Variants in FMNL2 observed in about 807,000 individuals in gnomAD.
The protein encoded by FMNL2 is formin-like protein 2.
Under a neutral mutation model 130.2 loss-of-function variants are expected in FMNL2, and 51 were observed. The observed-to-expected ratio is 0.39, with a 90% CI of 0.31 to 0.49. FMNL2 has a LOEUF of 0.49. Among genes scored for constraint, FMNL2 ranks in the 20% least tolerant of loss-of-function variants. FMNL2 has a pLI of 0.85. For missense variants in FMNL2, 977 were observed against 1,316.2 expected (o/e 0.74, Z 3.99); for synonymous variants, 465 against 467.1 (o/e 1.00, Z 0.06).
intron 10 of FMNL2, among the ~76,000 whole-genome samples, chr2:152,611,122 C>T (rs1456912518): frequency 4.6e-5 from 7 of 152,148 alleles, no homozygotes; most frequent in South Asian, 4.1e-4. Flanking sequence ...CGGCGGATCA[C>T]GAGGTCAGGT....
chr2:152,636,718 A>C, intron 22 of FMNL2, 128 bp downstream of exon 22: 1 of 1,141,840 alleles, frequency 8.8e-7, no homozygotes, highest in Admixed American at 2.8e-5. Context: ...TTCTTGTTGT[A>C]ACTATTATTT....
At position 152,633,790 on chromosome 2, in the gene FMNL2, A is replaced by G. The variant is rs1477908746; in HGVS notation, c.2680+1653A>G. On this transcript the variant is annotated intron_variant, in intron 21 of 25. Coordinates refer to ENST00000288670, the MANE Select transcript of FMNL2 (RefSeq NM_052905.4). Reference sequence around the variant, plus strand: ...ATTTCTACCTGACCAATGGGTACTAATTCATTTTGTTTGGTCCAAATGGTG... The same window carrying G: ...ATTTCTACCTGACCAATGGGTACTAGTTCATTTTGTTTGGTCCAAATGGTG... Among the ~76,000 whole-genome samples, 3 of 152,254 alleles carry G rather than the reference A, an allele frequency of 2.0e-5. 1 individual carries two copies. The highest frequency in any genetic ancestry group is 4.1e-4 in the South Asian group (2 of 4,832).
chr2:152,545,604 C>A (rs563438430), intron 3 of FMNL2, among the ~76,000 whole-genome samples: 15 of 152,216 alleles, frequency 9.9e-5, no homozygotes, highest in African/African-American at 3.6e-4. Flanking sequence ...CCTTTGCTGG[C>A]GCTGCAGTTG....
At chr2:152,426,364 A>G (rs1687202052) in intron 1 of FMNL2, among the ~76,000 whole-genome samples, 1 of 152,204 alleles carries the variant, frequency 6.6e-6, no homozygotes, top group South Asian at 2.1e-4. Flanking sequence ...TAGAGATATA[A>G]GACAATGGCC....
At chr2:152,631,846 A>G (rs1358475902) in intron 20 of FMNL2, among the ~76,000 whole-genome samples, 162 bp from the exon 21 acceptor site, 1 of 152,162 alleles carries the variant, frequency 6.6e-6, no homozygotes, top group South Asian at 2.1e-4. Context: ...GGACTGGTTC[A>G]CTAAGGAACA....
chr2:152,471,640 TTAACCTTGGCTTCTC>T (rs1360976980), intron 1 of FMNL2, among the ~76,000 whole-genome samples: 5 of 152,118 alleles, frequency 3.3e-5, no homozygotes, highest in Non-Finnish European at 5.9e-5. Flanking sequence ...TTAGAAACTT[TTAACCTTGGCTTCTC>T]ACACTCCCTG....
At chr2:152,554,505 A>G (rs932288345) in intron 4 of FMNL2, among the ~76,000 whole-genome samples, 5 of 152,232 alleles carry the variant, frequency 3.3e-5, no homozygotes, top group African/African-American at 1.2e-4. Context: ...CATTTGGAAG[A>G]TCAGAATAAC....
chr2:152,607,489 A>G, intron 10 of FMNL2, 76 bp downstream of exon 10: 1 of 891,852 alleles, frequency 1.1e-6, no homozygotes, highest in South Asian at 1.5e-5. Context: ...ACACACACAC[A>G]CACACACACA....
At chr2:152,624,498 A>G (rs1002079186) in intron 15 of FMNL2, among the ~76,000 whole-genome samples, 1 of 150,326 alleles carries the variant, frequency 6.7e-6, no homozygotes, top group Admixed American at 6.6e-5. Flanking sequence ...TATTTTTAAG[A>G]CAGAGTCTTG....
intron 9 of FMNL2, among the ~76,000 whole-genome samples, chr2:152,599,403 A>ATGT (rs1407347624): frequency 1.7e-5 from 1 of 57,456 alleles, no homozygotes; most frequent in Non-Finnish European, 3.3e-5. Flanking sequence ...ATTGAAGGTC[A>ATGT]TCTTTTTTTT....
At chr2:152,614,492 C>T (rs1698842842) in intron 11 of FMNL2, among the ~76,000 whole-genome samples, 1 of 152,198 alleles carries the variant, frequency 6.6e-6, no homozygotes, top group Non-Finnish European at 1.5e-5. Flanking sequence ...CGCCTGTAAT[C>T]CCAGCACTTT....
chr2:152,505,211 C>T (rs1308136188), intron 1 of FMNL2, among the ~76,000 whole-genome samples: 1 of 152,030 alleles, frequency 6.6e-6, no homozygotes, highest in Non-Finnish European at 1.5e-5. Context: ...TTGCACCTTC[C>T]ATTTTTAGAG....
At chr2:152,645,627 G>C in intron 25 of FMNL2, 1 of 688,260 alleles carries the variant, frequency 1.5e-6, no homozygotes, top group Non-Finnish European at 2.1e-6. Context: ...TCTGACCAGG[G>C]AGTTTTTGTA....
chr2:152,552,226 A>T (rs1457388704), intron 4 of FMNL2, among the ~76,000 whole-genome samples: 2 of 152,192 alleles, frequency 1.3e-5, no homozygotes, highest in Non-Finnish European at 2.9e-5. Context: ...TACTCAATAT[A>T]TGATAGTTGT....
chr2:152,517,925 G>C (rs1692865986), intron 1 of FMNL2, among the ~76,000 whole-genome samples: 1 of 152,202 alleles, frequency 6.6e-6, no homozygotes, highest in Non-Finnish European at 1.5e-5. Context: ...ATGTCACTAA[G>C]AGTGGGTGAG....
chr2:152,393,997 A>AT, intron 1 of FMNL2, among the ~76,000 whole-genome samples: 2 of 152,364 alleles, frequency 1.3e-5, no homozygotes, highest in Admixed American at 1.3e-4. Flanking sequence ...GGGCTGTAGA[A>AT]GAACAGGCGG....
intron 9 of FMNL2, among the ~76,000 whole-genome samples, chr2:152,589,365 G>T (rs761315337): frequency 2.0e-5 from 3 of 151,936 alleles, no homozygotes; most frequent in African/African-American, 7.3e-5. Context: ...TGTTGCTGCC[G>T]TGTTATTTCT....
rs562838969 is a variant in FMNL2, at chr2:152,499,077, C to G, written c.118-22866C>G. Among the ~76,000 whole-genome samples, 13 of 152,190 alleles carry G rather than the reference C, an allele frequency of 8.5e-5. No individual in the cohort carries two copies. The South Asian group carries it at 2.1e-3, about 24-fold the overall frequency. On this transcript the variant is annotated intron_variant, in intron 1 of 25. Transcript: ENST00000288670. ...CAATGGCATTTTAACGTAGAAGAAC[C>G]AAGTGTTAGTAAAGAGCTTTTCTTC...
intron 25 of FMNL2, among the ~76,000 whole-genome samples, chr2:152,642,196 A>T (rs548960215): frequency 5.1e-4 from 77 of 152,144 alleles, no homozygotes; most frequent in African/African-American, 9.9e-4. Context: ...CGCCTCGGCC[A>T]CCCAAAGTGC....
Sources: allele counts gnomAD v4.1 joint callset (sites outside exome capture counted in the v4.1 genomes callset), GRCh38; gene constraint gnomAD v4.1.1; transcripts MANE v1.5; gene names NCBI Gene and HGNC (gene_info 2026-07-23, HGNC 2026-07-21).